Variants in NRXN2 observed in about 807,000 individuals in gnomAD.
NRXN2 encodes the protein neurexin 2, also known as neurexin-2-beta.
Under a neutral mutation model 128.8 loss-of-function variants are expected in NRXN2, and 29 were observed. That is an observed-to-expected ratio of 0.23 (90% confidence interval 0.17 to 0.31). NRXN2 has a LOEUF of 0.31. NRXN2 is among the 10% of genes least tolerant of loss of function. The pLI, the probability that NRXN2 is intolerant of heterozygous loss-of-function variation, is 1.00. For missense variants in NRXN2, 1,881 were observed against 2,452.6 expected (o/e 0.77, Z 4.92); for synonymous variants, 1,098 against 1,075.2 (o/e 1.02, Z -0.41).
chr11:64,713,605 C>T lies in NRXN2; in HGVS notation c.95G>A (p.Gly32Asp), dbSNP rs1354724066. ...LAARADGLEF[G>D]GGPGQWARYA... ...GCGAGCCCACTGCCCGGGGCCGCCGCCGAACTCCAGGCCGTCCGCGCGCGC... is the reference window on the plus strand; with the variant it reads ...GCGAGCCCACTGCCCGGGGCCGCCGTCGAACTCCAGGCCGTCCGCGCGCGC... Residue 32 changes from glycine to aspartate, a missense_variant, in exon 2 of 23, where the codon GGC becomes GAC. Physicochemically the swap from Gly to Asp is moderately conservative, Grantham distance 94 (BLOSUM62 -1). This residue lies in a region of NRXN2 where 997 missense variants were observed against 1,240.8 expected (regional missense o/e 0.80). Coordinates refer to ENST00000265459, the MANE Select transcript of NRXN2 (RefSeq NM_015080.4). 1.9e-5 allele frequency: 25 copies of T among 1,326,502 alleles called. No homozygotes were observed. Among genetic ancestry groups the T allele is most frequent in the Non-Finnish European group, 3.9e-6 (4 of 1,037,050 alleles). 82.2% of individuals were successfully genotyped at this position (1,326,502 alleles called of 1,614,324 possible).
chr11:64,615,983 C>CGT (rs374263068), intron 22 of NRXN2, among the ~76,000 whole-genome samples: 33 of 150,124 alleles, frequency 2.2e-4, no homozygotes, highest in South Asian at 8.4e-4. Flanking sequence ...AGCAGGTAAG[C>CGT]GTGTGTGTGT....
intron 17 of NRXN2, among the ~76,000 whole-genome samples, chr11:64,638,322 A>G (rs567996644): frequency 1.3e-5 from 2 of 152,314 alleles, no homozygotes; most frequent in Non-Finnish European, 2.9e-5. Flanking sequence ...AGAAGAGGTG[A>G]AGGATGAATG....
Position 64,715,339 on chromosome 11 carries a change from G to C in NRXN2, c.-244-1396C>G, listed in dbSNP as rs71579871. 3.3e-5 allele frequency among the ~76,000 whole-genome samples: 5 copies of C among 152,310 alleles called. No individual in the cohort carries two copies. The Middle Eastern group carries it at 0.01, about 311-fold the overall frequency. The stretch of plus-strand genomic sequence containing the variant: ...CCAGTCAGCGGGGAACTGAGACTCA[G>C]ATCCAAGTCTGCTCGACTGCAGCAT... On this transcript the variant is annotated intron_variant, in intron 1 of 22. Coordinates refer to ENST00000265459, the MANE Select transcript of NRXN2 (RefSeq NM_015080.4).
chr11:64,648,400 G>A lies in NRXN2; in HGVS notation c.3284-62C>T. The A allele has an allele frequency of 1.2e-6, 2 of 1,612,500 alleles. No individual in the cohort carries two copies. Among genetic ancestry groups the A allele is most frequent in the South Asian group, 1.1e-5 (1 of 90,992 alleles). ...GCCAAGCCCCCTCTTTCCCCAGGAG[G>A]TGTGGAAGCTTCAGAGCCAGGCAGA... On this transcript the variant is annotated intron_variant, in intron 16 of 22. Transcript: ENST00000265459. The surrounding 1 kb of genome is among the most constrained non-coding windows in gnomAD (Gnocchi z 4.1).
At chr11:64,636,297 C>A (rs2044705579) in intron 17 of NRXN2, among the ~76,000 whole-genome samples, 1 of 151,590 alleles carries the variant, frequency 6.6e-6, no homozygotes, top group South Asian at 2.1e-4. Context: ...TCTTCGCCAG[C>A]CGGCTGCTGG....
At chr11:64,685,607 G>A (rs772384571) in intron 6 of NRXN2, 39 bp downstream of exon 6, 4 of 1,613,608 alleles carry the variant, frequency 2.5e-6, no homozygotes, top group Non-Finnish European at 3.4e-6. Flanking sequence ...TTCTACCCCA[G>A]GTATAGCTAA....
intron 2 of NRXN2, among the ~76,000 whole-genome samples, chr11:64,704,766 C>T (rs1418270626): frequency 6.6e-6 from 1 of 151,956 alleles, no homozygotes; most frequent in East Asian, 1.9e-4. Context: ...AGTCAGGCAT[C>T]ATCTCAGGCA....
At chr11:64,614,377 C>A (rs1196754416) in intron 22 of NRXN2, among the ~76,000 whole-genome samples, 6 of 152,204 alleles carry the variant, frequency 3.9e-5, no homozygotes, top group African/African-American at 1.4e-4. Context: ...GGTGGGGTTA[C>A]TTTGAACCTT....
chr11:64,623,333 G>A lies in NRXN2; in HGVS notation c.3848-255C>T. The stretch of plus-strand genomic sequence containing the variant: ...CCAGGGTACACATGGGCTGGGGAAG[G>A]GGAGCCCAGTCCCTCCTCCCCACCA... On this transcript the variant is annotated intron_variant, in intron 20 of 22. Coordinates refer to ENST00000265459, the MANE Select transcript of NRXN2 (RefSeq NM_015080.4). This position sits in a 1 kb window ranked among gnomAD's most constrained non-coding sequence, Gnocchi z 4.9. 1.7e-6 allele frequency: 1 copy of A among 582,552 alleles called. No homozygotes were observed. Among genetic ancestry groups the A allele is most frequent in the Non-Finnish European group, 3.0e-6 (1 of 332,302 alleles). The allele number at this position is 582,552 out of a possible 1,614,324, so 36.1% of individuals were successfully genotyped here. A position where few individuals can be genotyped will look rare whatever the true frequency, so the allele number is the denominator to read the frequency against.
Position 64,667,784 on chromosome 11 carries a change from C to T in NRXN2, c.1360-96G>A, listed in dbSNP as rs1184064579. 8.6e-7 allele frequency: 1 copy of T among 1,166,496 alleles called. No homozygotes were observed. The highest frequency in any genetic ancestry group is 1.3e-6 in the Non-Finnish European group (1 of 796,276). 72.3% of individuals were successfully genotyped at this position (1,166,496 alleles called of 1,614,324 possible). On this transcript the variant is annotated intron_variant, in intron 8 of 22. Transcript: ENST00000265459. The surrounding 1 kb of genome is among the most constrained non-coding windows in gnomAD (Gnocchi z 5.6). ...AGCGAGCACCAGGGGACCCAGCCAC[C>T]CACCCCTGTAGCCCCTGCTCAGTTC...
chr11:64,618,691 G>A (rs918030251), intron 22 of NRXN2, among the ~76,000 whole-genome samples: 10 of 152,276 alleles, frequency 6.6e-5, no homozygotes, highest in African/African-American at 2.4e-4. Flanking sequence ...AGCCAAGATC[G>A]CCCCAGGGGA....
chr11:64,695,151 T>C (rs769937722), intron 3 of NRXN2, among the ~76,000 whole-genome samples: 1 of 151,946 alleles, frequency 6.6e-6, no homozygotes, highest in Non-Finnish European at 1.5e-5. Context: ...TCCCCACTAA[T>C]CTGAAATCTC....
chr11:64,667,365 G>A lies in NRXN2; in HGVS notation c.1683C>T (p.Gly561=), dbSNP rs1591965795. 2 of 1,614,198 alleles carry A rather than the reference G, an allele frequency of 1.2e-6. No individual in the cohort carries two copies. Among genetic ancestry groups the A allele is most frequent in the East Asian group, 2.2e-5 (1 of 44,868 alleles). ...CCATGTCCAGCAGAAGATAGAGGTG[G>A]CCGTCCAATAGCTCCATGGCAAAGT... is the stretch of plus-strand genomic sequence containing the variant. The part of the protein sequence containing the change: ...ADYFAMELLD[G]HLYLLLDMGS... Residue 561 remains glycine, a synonymous_variant, in exon 9 of 23, where the codon GGC becomes GGT. Coordinates refer to ENST00000265459, the MANE Select transcript of NRXN2 (RefSeq NM_015080.4). The surrounding 1 kb of genome is among the most constrained non-coding windows in gnomAD (Gnocchi z 5.6).
intron 3 of NRXN2, among the ~76,000 whole-genome samples, chr11:64,696,373 C>CA (rs1353789082): frequency 3.9e-5 from 6 of 152,124 alleles, no homozygotes; most frequent in African/African-American, 1.4e-4. Context: ...ACCACATATG[C>CA]ATCGATGGAG....
rs763797573 is a variant in NRXN2, at chr11:64,620,453, G to A, written c.4174-81C>T. 900 of 1,107,508 alleles carry A rather than the reference G, an allele frequency of 8.1e-4. 1 individual carries two copies. Among genetic ancestry groups the A allele is most frequent in the Non-Finnish European group, 1.0e-3 (752 of 747,772 alleles). The allele number at this position is 1,107,508 out of a possible 1,614,324, so 68.6% of individuals were successfully genotyped here. On this transcript the variant is annotated intron_variant, in intron 21 of 22. Transcript: ENST00000265459. ...CCACAGCTGCCACTTGAGGTGCACG[G>A]TGGCACGGGGGATGCCCCTGGGCTG...
At chr11:64,718,716 T>C (rs2057362235) in intron 1 of NRXN2, among the ~76,000 whole-genome samples, 1 of 152,244 alleles carries the variant, frequency 6.6e-6, no homozygotes, top group African/African-American at 2.4e-5. Context: ...CTGAGGTCCT[T>C]TTCAGGTGCA....
chr11:64,699,846 C>T (rs1038618236), intron 2 of NRXN2, among the ~76,000 whole-genome samples: 1 of 152,124 alleles, frequency 6.6e-6, no homozygotes, highest in Non-Finnish European at 1.5e-5. Context: ...ATGCTAAGAC[C>T]CTGGTCAGTC....
intron 6 of NRXN2, among the ~76,000 whole-genome samples, chr11:64,682,224 G>C (rs2052407850): frequency 6.7e-6 from 1 of 149,756 alleles, no homozygotes; most frequent in African/African-American, 2.5e-5. Context: ...TCTGCCCCTG[G>C]GGCAGTCCCC....
Position 64,653,711 on chromosome 11 carries a change from C to T in NRXN2, c.2401G>A (p.Val801Ile), listed in dbSNP as rs368134067. The T allele has an allele frequency of 2.3e-5, 36 of 1,595,464 alleles. No homozygotes were observed. Among genetic ancestry groups the T allele is most frequent in the South Asian group, 3.4e-5 (3 of 87,298 alleles). ...KLTVNLDCLR[V>I]GCAPSKGPET... ...AGCCACTTACTGGGTGCGCAGCCGA[C>T]GCGCAGGCAGTCTGGGGGGGCCATG... The change falls in exon 12 of 23, where the codon GTC (valine) becomes ATC (isoleucine). Residue 801 changes from valine (V) to isoleucine (I), a missense_variant. Val to Ile is a conservative substitution (Grantham distance 29). Coordinates refer to ENST00000265459, the MANE Select transcript of NRXN2 (RefSeq NM_015080.4).
Sources: gnomAD v4.1 joint callset for allele counts (sites outside exome capture counted in the v4.1 genomes callset) on GRCh38, gnomAD v4.1.1 for gene constraint, gnomAD v4.1.1 regional missense constraint, Gnocchi (gnomAD v3.1) non-coding constraint, MANE v1.5 for transcripts, NCBI Gene and HGNC (gene_info 2026-07-23, HGNC 2026-07-21) for gene names.